The following ATP11A variants were observed in gnomAD, a reference collection of about 807,000 sequenced individuals.
ATP11A encodes phospholipid-transporting ATPase IH.
A neutral mutation model predicts 154.4 loss-of-function variants in ATP11A; 81 were observed. The observed-to-expected ratio is 0.52, with a 90% confidence interval of 0.44 to 0.63. The LOEUF (loss-of-function observed/expected upper bound fraction) is 0.63, where lower values mean the gene tolerates loss of function less well. Among genes scored for constraint, ATP11A ranks in the 30% least tolerant of loss-of-function variants. The pLI is 0.00. For synonymous variants in ATP11A, 623 were observed against 585.9 expected (o/e 1.06, Z -0.91); for missense variants, 1,316 against 1,474.3 (o/e 0.89, Z 1.76).
chr13:112,780,736 C>T (rs1330076672), intron 1 of ATP11A, among the ~76,000 whole-genome samples: 2 of 152,136 alleles, frequency 1.3e-5, no homozygotes, highest in Non-Finnish European at 2.9e-5. Context: ...TGCCACGTGG[C>T]TTTCTCGATG....
At chr13:112,805,700 A>T (rs969246102) in intron 3 of ATP11A, among the ~76,000 whole-genome samples, 9 of 150,602 alleles carry the variant, frequency 6.0e-5, no homozygotes, top group African/African-American at 9.9e-5. Context: ...GAGAAAGAAA[A>T]AGAAAGAAAG....
chr13:112,796,928 A>G (rs1226521969), intron 2 of ATP11A, among the ~76,000 whole-genome samples: 2 of 152,096 alleles, frequency 1.3e-5, no homozygotes, highest in African/African-American at 4.8e-5. Flanking sequence ...CAAAGAGGAA[A>G]AAAGAGTGAA....
At chr13:112,731,344 AAAG>A (rs1890465136) in intron 1 of ATP11A, among the ~76,000 whole-genome samples, 1 of 152,182 alleles carries the variant, frequency 6.6e-6, no homozygotes, top group South Asian at 2.1e-4. Context: ...CTTTATTACT[AAAG>A]AAAACAGAAA....
chr13:112,847,551 A>G (rs1161939418), intron 17 of ATP11A, among the ~76,000 whole-genome samples: 1 of 152,212 alleles, frequency 6.6e-6, no homozygotes, highest in African/African-American at 2.4e-5. Context: ...ACTCTTGCTG[A>G]AAAGCATTTG....
chr13:112,714,586 G>T (rs1888211274), intron 1 of ATP11A, among the ~76,000 whole-genome samples: 1 of 152,206 alleles, frequency 6.6e-6, no homozygotes, highest in East Asian at 1.9e-4. Context: ...CCCCTCTGCT[G>T]CCTTCTTTGT....
At chr13:112,725,911 G>GC (rs1889813937) in intron 1 of ATP11A, among the ~76,000 whole-genome samples, 1 of 152,266 alleles carries the variant, frequency 6.6e-6, no homozygotes, top group Non-Finnish European at 1.5e-5. Context: ...TGACGAGGGT[G>GC]CCCCTGAAGG....
In ATP11A at chr13:112,886,596, C is replaced by T. The variant is rs2080984647; in HGVS notation, c.*4730C>T. On this transcript the variant is annotated 3_prime_UTR_variant, in exon 30 of 30. Transcript: ENST00000375645. ...AATGAAAATCTTTCTGATGTTGTGT[C>T]TATAAGCAGCCTTGATGGGATATGT... 6.6e-6 allele frequency: 1 copy of T among 152,082 alleles called. No homozygotes were observed. The highest frequency in any genetic ancestry group is 2.1e-4 in the South Asian group (1 of 4,824). 9.4% of individuals were successfully genotyped at this position (152,082 alleles called of 1,614,324 possible).
rs139370728 is a variant in ATP11A, at chr13:112,826,711, G to A, written c.1041G>A (p.Thr347=). The change falls in exon 12 of 30, where the codon ACG becomes ACA. Residue 347 remains threonine (T), a synonymous_variant. Transcript: ENST00000375645. ...TCTTGCAGTTCCTCAAGGCATTCAC[G>A]GACTTCCTGGCCTTCATGGTCCTCT... is the stretch of plus-strand genomic sequence containing the variant. ...RQRNLFLKAF[T]DFLAFMVLFN... 31 of 1,614,036 alleles carry A rather than the reference G, an allele frequency of 1.9e-5. No homozygotes were observed. The highest frequency in any genetic ancestry group is 5.0e-5 in the Admixed American group (3 of 60,012).
At chr13:112,778,124 ACC>A (rs151169120) in intron 1 of ATP11A, among the ~76,000 whole-genome samples, 1,973 of 152,342 alleles carry the variant, frequency 0.013, 36 homozygotes, top group African/African-American at 0.043. Flanking sequence ...TTAACATCAT[ACC>A]ACACATACCT....
At chr13:112,758,458 C>G (rs2076893013) in intron 1 of ATP11A, among the ~76,000 whole-genome samples, 1 of 148,420 alleles carries the variant, frequency 6.7e-6, no homozygotes, top group Non-Finnish European at 1.5e-5. Context: ...GAGTCTCTCT[C>G]TGTCGCCCAG....
At chr13:112,869,995 CA>C (rs1197682387) in intron 25 of ATP11A, among the ~76,000 whole-genome samples, 2 of 152,146 alleles carry the variant, frequency 1.3e-5, no homozygotes, top group African/African-American at 4.8e-5. Context: ...CCAAAGCTAG[CA>C]GACCCCACGC....
At chr13:112,757,635 T>C (rs933429320) in intron 1 of ATP11A, among the ~76,000 whole-genome samples, 1 of 152,224 alleles carries the variant, frequency 6.6e-6, no homozygotes, top group Non-Finnish European at 1.5e-5. Flanking sequence ...CCTCCTTGTC[T>C]CATCCCTCAA....
In ATP11A at chr13:112,886,441, A is replaced by C. The variant is rs958671827; in HGVS notation, c.*4575A>C. On this transcript the variant is annotated 3_prime_UTR_variant, in exon 30 of 30. Transcript: ENST00000375645. ...TTTATTTGACAACTCAGTGTCTAAC[A>C]GCTTGATATGCAGGTCCTTGCATCC... 3.3e-5 allele frequency: 5 copies of C among 152,292 alleles called. No homozygotes were observed. The highest frequency in any genetic ancestry group is 3.3e-4 in the Admixed American group (5 of 15,284). 9.4% of individuals were successfully genotyped at this position (152,292 alleles called of 1,614,324 possible).
In ATP11A at chr13:112,819,897, C is replaced by A. The variant is rs755572462; in HGVS notation, c.675-3C>A. The stretch of plus-strand genomic sequence containing the variant: ...GTCAGTAACGTGGCTTTTCTGTCGC[C>A]AGGTTCGTGGGTCGCATCAACGTTT... On this transcript the variant is annotated splice_polypyrimidine_tract_variant and splice_region_variant and intron_variant, in intron 7 of 29. Coordinates refer to ENST00000375645, the MANE Select transcript of ATP11A (RefSeq NM_015205.3). The A allele has an allele frequency of 6.2e-7, 1 of 1,614,128 alleles. No individual in the cohort carries two copies. The highest frequency in any genetic ancestry group is 1.7e-5 in the Admixed American group (1 of 60,012).
intron 28 of ATP11A, among the ~76,000 whole-genome samples, chr13:112,876,613 C>A (rs533537023): frequency 6.6e-6 from 1 of 152,332 alleles, no homozygotes; most frequent in Non-Finnish European, 1.5e-5. Context: ...ACTCTATTAA[C>A]AATGCAAGTT....
chr13:112,859,984 G>A lies in ATP11A; in HGVS notation c.2728-303G>A, dbSNP rs757267619. On this transcript the variant is annotated intron_variant, in intron 23 of 29. Transcript: ENST00000375645. The surrounding 1 kb of genome is among the most constrained non-coding windows in gnomAD (Gnocchi z 4.3). ...TTCATGGGAAGTGACTGCGACCAGA[G>A]TCACTGAAGCTTGAAGATGGCAATC... 6.6e-5 allele frequency among the ~76,000 whole-genome samples: 10 copies of A among 152,230 alleles called. No homozygotes were observed. The highest frequency in any genetic ancestry group is 1.3e-4 in the Admixed American group (2 of 15,288).
chr13:112,764,084 A>G (rs1311054159), intron 1 of ATP11A, among the ~76,000 whole-genome samples: 1 of 152,238 alleles, frequency 6.6e-6, no homozygotes. Context: ...GAGTGTTACC[A>G]GGAGTTGTTA....
Position 112,881,074 on chromosome 13 carries a change from G to A in ATP11A, c.*10-802G>A, listed in dbSNP as rs573680677. The A allele has an allele frequency of 3.8e-5, 38 of 987,534 alleles. No individual in the cohort carries two copies. In the East Asian group the frequency reaches 5.6e-4, roughly 15 times the overall value. 61.2% of individuals were successfully genotyped at this position (987,534 alleles called of 1,614,324 possible). ...AGTGCAGGTCTTCTGTGTGCCAGCC[G>A]GAGCACATAGCTTGTCGCCTCTCCA... On this transcript the variant is annotated intron_variant, in intron 29 of 29. Coordinates refer to ENST00000375645, the MANE Select transcript of ATP11A (RefSeq NM_015205.3).
intron 6 of ATP11A, 62 bp from the exon 7 acceptor site, chr13:112,819,242 C>A: frequency 7.0e-7 from 1 of 1,431,650 alleles, no homozygotes. Flanking sequence ...GTTGGAGGCA[C>A]CAGCGTCTGG....
Sources: gnomAD v4.1 joint callset for allele counts (sites outside exome capture counted in the v4.1 genomes callset) on GRCh38, gnomAD v4.1.1 for gene constraint, Gnocchi (gnomAD v3.1) non-coding constraint, MANE v1.5 for transcripts, NCBI Gene and HGNC (gene_info 2026-07-23, HGNC 2026-07-21) for gene names.